Variants in SLIT2 observed in about 807,000 individuals in gnomAD.
SLIT2 encodes slit homolog 2 protein.
In SLIT2, 41 loss-of-function variants were observed where a neutral mutation model predicts 185.7. The observed-to-expected ratio is 0.22, with a 90% CI of 0.17 to 0.29. The LOEUF (loss-of-function observed/expected upper bound fraction) is 0.29. SLIT2 is among the 10% of genes least tolerant of loss of function. The probability of loss-of-function intolerance (pLI) is 1.00; values close to 1 mark genes in which losing one functional copy is unlikely to be tolerated. For missense variants in SLIT2, 1,571 were observed against 1,909.0 expected (o/e 0.82, Z 3.30); for synonymous variants, 693 against 680.2 (o/e 1.02, Z -0.29).
At chr4:20,271,262 T>C (rs1390057283) in intron 4 of SLIT2, among the ~76,000 whole-genome samples, 1 of 150,794 alleles carries the variant, frequency 6.6e-6, no homozygotes, top group African/African-American at 2.4e-5. Flanking sequence ...TTTTGACAAA[T>C]AATGGGGAAA....
At chr4:20,283,718 A>T (rs951741779) in intron 4 of SLIT2, among the ~76,000 whole-genome samples, 1 of 152,214 alleles carries the variant, frequency 6.6e-6, no homozygotes, top group Non-Finnish European at 1.5e-5. Context: ...ATAAAATTAG[A>T]GTATGACTCA....
Position 20,484,741 on chromosome 4 carries a change from T to C in SLIT2, c.540-1459T>C, listed in dbSNP as rs1483876322. On this transcript the variant is annotated intron_variant, in intron 6 of 36. Transcript: ENST00000504154. This position sits in a 1 kb window ranked among gnomAD's most constrained non-coding sequence, Gnocchi z 4.3. ...TGCCACTATTTAAACATTAGAAAGA[T>C]CTAAAAATTTTTATCTCTAGCTTCC... Among the ~76,000 whole-genome samples, 1 of 152,158 alleles carries C rather than the reference T, an allele frequency of 6.6e-6. No homozygotes were observed. Among genetic ancestry groups the C allele is most frequent in the Non-Finnish European group, 1.5e-5 (1 of 67,994 alleles).
intron 1 of SLIT2, among the ~76,000 whole-genome samples, chr4:20,255,693 G>A (rs1450656109): frequency 6.6e-6 from 1 of 152,112 alleles, no homozygotes; most frequent in South Asian, 2.1e-4. Context: ...AGGGGGGAGC[G>A]TAGCAATTGA....
Position 20,569,002 on chromosome 4 carries a change from C to T in SLIT2, c.3086C>T (p.Thr1029Ile), listed in dbSNP as rs770829676. ...NYTCLCPPEY[T>I]GELCEEKLDF... ...ACATGCCTTTGCCCACCTGAGTATA[C>T]AGGTACAAATAATAGGAAATATTTT... is the stretch of plus-strand genomic sequence containing the variant. Residue 1029 changes from threonine to isoleucine, a missense_variant and splice_region_variant, in exon 29 of 37, where the codon ACA (threonine) becomes ATA (isoleucine). Physicochemically the swap from Thr to Ile is moderately conservative, Grantham distance 89. Around this residue, in one of 3 missense-constraint regions of SLIT2, gnomAD observed 1,202 missense variants for 1,416.4 expected, o/e 0.85. Coordinates refer to ENST00000504154, the MANE Select transcript of SLIT2 (RefSeq NM_004787.4). 1.2e-6 allele frequency: 2 copies of T among 1,611,360 alleles called. No individual in the cohort carries two copies. The highest frequency in any genetic ancestry group is 8.5e-7 in the Non-Finnish European group (1 of 1,178,166).
At chr4:20,535,259 A>C (rs1397069851) in intron 18 of SLIT2, among the ~76,000 whole-genome samples, 1 of 152,038 alleles carries the variant, frequency 6.6e-6, no homozygotes, top group African/African-American at 2.4e-5. Context: ...AGATTGCTCC[A>C]CTACACTCCA....
intron 24 of SLIT2, 108 bp downstream of exon 24, chr4:20,549,236 A>G: frequency 5.0e-6 from 3 of 605,414 alleles, no homozygotes; most frequent in Non-Finnish European, 5.9e-6. Flanking sequence ...TTGAAGATAC[A>G]TGCATTAGGA....
At chr4:20,530,042 ATAAAG>A (rs1239403359) in intron 16 of SLIT2, among the ~76,000 whole-genome samples, 1 of 152,128 alleles carries the variant, frequency 6.6e-6, no homozygotes, top group Non-Finnish European at 1.5e-5. Flanking sequence ...ATAACTAAAA[ATAAAG>A]TAATGCCTTT....
At chr4:20,420,056 T>C (rs1728049011) in intron 4 of SLIT2, among the ~76,000 whole-genome samples, 1 of 152,120 alleles carries the variant, frequency 6.6e-6, no homozygotes, top group South Asian at 2.1e-4. Context: ...ATTTGAACAA[T>C]AAATGATAAC....
intron 4 of SLIT2, among the ~76,000 whole-genome samples, chr4:20,442,866 G>A (rs574810009): frequency 6.6e-5 from 10 of 152,282 alleles, no homozygotes; most frequent in South Asian, 4.1e-4. Flanking sequence ...GTGTTTAGAT[G>A]TGTTTTAGAT....
At chr4:20,610,652 C>G (rs1219430062) in intron 34 of SLIT2, among the ~76,000 whole-genome samples, 1 of 152,158 alleles carries the variant, frequency 6.6e-6, no homozygotes, top group Non-Finnish European at 1.5e-5. Context: ...CTACCAGTTG[C>G]TAATTCATCT....
chr4:20,418,931 A>T (rs1727928297), intron 4 of SLIT2, among the ~76,000 whole-genome samples: 1 of 152,154 alleles, frequency 6.6e-6, no homozygotes, highest in South Asian at 2.1e-4. Context: ...CGCCCCACAG[A>T]AAAAAACTAA....
Position 20,340,247 on chromosome 4 carries a change from C to G in SLIT2, c.395+71366C>G, listed in dbSNP as rs568479430. On this transcript the variant is annotated intron_variant, in intron 4 of 36. Coordinates refer to ENST00000504154, the MANE Select transcript of SLIT2 (RefSeq NM_004787.4). The stretch of plus-strand genomic sequence containing the variant: ...TTCATTCTTTGAGTTACTACCCTTT[C>G]TTTCTCTTAATCTAAGTGTTTCCCT... Among the ~76,000 whole-genome samples the G allele has an allele frequency of 1.4e-3, 219 of 152,246 alleles. 2 individuals are homozygous for G. The highest frequency in any genetic ancestry group is 5.0e-3 in the African/African-American group (207 of 41,548).
chr4:20,542,708 T>G, intron 21 of SLIT2, 82 bp downstream of exon 21: 1 of 1,371,494 alleles, frequency 7.3e-7, no homozygotes, highest in Non-Finnish European at 1.0e-6. Context: ...GACAAAAATC[T>G]TTACAATCTT....
At chr4:20,437,434 G>A (rs9993284) in intron 4 of SLIT2, among the ~76,000 whole-genome samples, 33,428 of 152,014 alleles carry the variant, frequency 0.22, 3,904 homozygotes, top group Non-Finnish European at 0.27. Context: ...GGGCAACATA[G>A]GGAGACCCTG....
chr4:20,589,821 T>C, intron 30 of SLIT2, 84 bp downstream of exon 30: 1 of 853,058 alleles, frequency 1.2e-6, no homozygotes, highest in South Asian at 1.4e-5. Flanking sequence ...CATCCTTAGC[T>C]TCACACCTCT....
At chr4:20,386,531 A>G (rs558475763) in intron 4 of SLIT2, among the ~76,000 whole-genome samples, 11 of 152,292 alleles carry the variant, frequency 7.2e-5, no homozygotes, top group Non-Finnish European at 1.6e-4. Flanking sequence ...TTGTTGAAAT[A>G]TGGATAATGA....
chr4:20,472,293 TAGATATATAG>T (rs1266346361), intron 5 of SLIT2, among the ~76,000 whole-genome samples: 2 of 24,276 alleles, frequency 8.2e-5, no homozygotes, highest in African/African-American at 5.5e-4. Context: ...TATAGATATA[TAGATATATAG>T]ATCTATATAT....
rs772014908 is a variant in SLIT2 at position 20,254,982 on chromosome 4, T to G, written c.179+988T>G. The stretch of plus-strand genomic sequence containing the variant: ...GTGTTGACGGCCCACGCGCTCCTGA[T>G]GAGGCGCTTCCAGAGTTCAGCGAAG... On this transcript the variant is annotated intron_variant, in intron 1 of 36. Transcript: ENST00000504154. The surrounding 1 kb of genome is among the most constrained non-coding windows in gnomAD (Gnocchi z 5.1). The G allele has an allele frequency of 4.8e-5, 22 of 456,180 alleles. No homozygotes were observed. Among genetic ancestry groups the G allele is most frequent in the African/African-American group, 8.0e-5 (4 of 50,092 alleles). 28.3% of individuals were successfully genotyped at this position (456,180 alleles called of 1,614,324 possible).
chr4:20,523,029 G>A (rs1194076241), intron 12 of SLIT2, among the ~76,000 whole-genome samples: 1 of 152,140 alleles, frequency 6.6e-6, no homozygotes, highest in African/African-American at 2.4e-5. Context: ...GGTTGGGAAG[G>A]GGTCAAAGAC....
Sources: allele counts gnomAD v4.1 joint callset (sites outside exome capture counted in the v4.1 genomes callset), GRCh38; gene constraint gnomAD v4.1.1; regional missense constraint gnomAD v4.1.1; non-coding constraint Gnocchi (gnomAD v3.1); transcripts MANE v1.5; gene names NCBI Gene and HGNC (gene_info 2026-07-23, HGNC 2026-07-21).